Variants in LGR6 observed in about 807,000 individuals in gnomAD.
LGR6 encodes the protein leucine-rich repeat-containing G protein-coupled receptor 6.
In LGR6, 45 loss-of-function variants were observed where a neutral mutation model predicts 69.4. The ratio of observed to expected loss-of-function variants is 0.65; its 90% CI spans 0.51 to 0.83. The LOEUF is 0.83. Ranked by LOEUF, LGR6 falls within the 40% of genes least tolerant of loss-of-function variation. The pLI is 0.00. For synonymous variants in LGR6, 538 were observed against 555.0 expected, an observed-to-expected ratio of 0.97 and a Z score of 0.43; for missense variants, 1,108 against 1,246.7, an observed-to-expected ratio of 0.89 and a Z score of 1.68.
intron 4 of LGR6, among the ~76,000 whole-genome samples, chr1:202,261,948 A>G (rs1282206676): frequency 6.6e-6 from 1 of 151,882 alleles, no homozygotes; most frequent in Non-Finnish European, 1.5e-5. Flanking sequence ...TTTTTCTTGT[A>G]AATTTGTTTG....
intron 4 of LGR6, among the ~76,000 whole-genome samples, chr1:202,258,252 C>T (rs1305886191): frequency 6.6e-6 from 1 of 151,382 alleles, no homozygotes; most frequent in African/African-American, 2.4e-5. Flanking sequence ...AGGAGCAGTC[C>T]CTGTTCATTT....
At chr1:202,235,833 G>T in intron 3 of LGR6, 89 bp from the exon 4 acceptor site, 2 of 1,093,908 alleles carry the variant, frequency 1.8e-6, no homozygotes, top group Non-Finnish European at 1.4e-6. Context: ...GGTCTGGCTT[G>T]GGACTGGGGG....
chr1:202,310,123 T>C, intron 15 of LGR6, 74 bp from the exon 16 acceptor site: 1 of 1,496,170 alleles, frequency 6.7e-7, no homozygotes, highest in South Asian at 1.2e-5. Context: ...GGGTTGCAGA[T>C]CTCTTAAATC....
intron 7 of LGR6, among the ~76,000 whole-genome samples, chr1:202,297,893 T>A (rs1415796842): frequency 6.6e-6 from 1 of 152,204 alleles, no homozygotes; most frequent in Non-Finnish European, 1.5e-5. Context: ...CTTGCCTTGG[T>A]TGGGATGTGT....
At chr1:202,236,646 G>A (rs1661586586) in intron 4 of LGR6, among the ~76,000 whole-genome samples, 1 of 152,220 alleles carries the variant, frequency 6.6e-6, no homozygotes, top group Non-Finnish European at 1.5e-5. Flanking sequence ...ATAATGCACA[G>A]CCCAAGGCCT....
chr1:202,316,427 T>A (rs1654148820), intron 17 of LGR6, among the ~76,000 whole-genome samples: 1 of 152,228 alleles, frequency 6.6e-6, no homozygotes, highest in African/African-American at 2.4e-5. Flanking sequence ...AGGACATTAA[T>A]CTGTTCCTGA....
chr1:202,289,931 T>C (rs894223762), intron 6 of LGR6, among the ~76,000 whole-genome samples: 1 of 152,236 alleles, frequency 6.6e-6, no homozygotes, highest in Non-Finnish European at 1.5e-5. Flanking sequence ...TTATCTGTGA[T>C]CCAGTAATAA....
chr1:202,288,699 A>G (rs1441016791), intron 6 of LGR6, among the ~76,000 whole-genome samples: 1 of 152,292 alleles, frequency 6.6e-6, no homozygotes, highest in South Asian at 2.1e-4. Context: ...CAGGTGTCCC[A>G]TGCTGTCTTG....
chr1:202,282,833 C>T lies in LGR6; in HGVS notation c.716+1981C>T, dbSNP rs184268272. Among the ~76,000 whole-genome samples, 19 of 152,346 alleles carry T rather than the reference C, an allele frequency of 1.2e-4. No homozygotes were observed. The East Asian group carries it at 2.7e-3, about 22-fold the overall frequency. ...TGGCTGAATTACAGAGCAATCCTGC[C>T]GCTAAGCGCCCACTGTACCTTTCAT... On this transcript the variant is annotated intron_variant, in intron 6 of 17. Coordinates refer to ENST00000367278, the MANE Select transcript of LGR6 (RefSeq NM_001017403.2).
chr1:202,236,221 G>C, intron 4 of LGR6: 2 of 556,118 alleles, frequency 3.6e-6, no homozygotes, highest in Admixed American at 6.3e-5. Context: ...GTGCTCCCAC[G>C]CCCCACTGGG....
Position 202,268,281 on chromosome 1 carries a change from G to A in LGR6, c.429-8025G>A, listed in dbSNP as rs1286042354. Among the ~76,000 whole-genome samples, 4 of 152,258 alleles carry A rather than the reference G, an allele frequency of 2.6e-5. No individual in the cohort carries two copies. Among genetic ancestry groups the A allele is most frequent in the East Asian group, 3.9e-4 (2 of 5,160 alleles). ...CTGGTGTGGGAGGCTGGGCCCTGCC[G>A]CCTATGGAAGGCCCAAGGGCATCTC... On this transcript the variant is annotated intron_variant, in intron 4 of 17. Transcript: ENST00000367278. This position sits in a 1 kb window ranked among gnomAD's most constrained non-coding sequence, Gnocchi z 4.4.
chr1:202,204,600 AC>A (rs1659006681), intron 1 of LGR6, among the ~76,000 whole-genome samples: 1 of 135,876 alleles, frequency 7.4e-6, no homozygotes, highest in African/African-American at 3.1e-5. Flanking sequence ...TCAAACACAC[AC>A]ACCTCCAAAC....
chr1:202,284,848 G>A (rs1666280553), intron 6 of LGR6, among the ~76,000 whole-genome samples: 1 of 152,170 alleles, frequency 6.6e-6, no homozygotes, highest in East Asian at 1.9e-4. Flanking sequence ...GATGGACCCC[G>A]GGGACAATAG....
chr1:202,253,121 C>A (rs576321350), intron 4 of LGR6, among the ~76,000 whole-genome samples: 1 of 152,292 alleles, frequency 6.6e-6, no homozygotes, highest in African/African-American at 2.4e-5. Context: ...CTGTGAAAAC[C>A]AGCTCTGCCA....
At chr1:202,252,986 T>G (rs1663397329) in intron 4 of LGR6, among the ~76,000 whole-genome samples, 1 of 152,208 alleles carries the variant, frequency 6.6e-6, no homozygotes, top group Admixed American at 6.5e-5. Context: ...CAGGAAGACA[T>G]TCTGACACTC....
Position 202,318,623 on chromosome 1 carries a change from C to T in LGR6, c.2320C>T (p.His774Tyr), listed in dbSNP as rs774413388. 1.5e-5 allele frequency: 24 copies of T among 1,613,860 alleles called. No homozygotes were observed. In the African/African-American group the frequency reaches 3.1e-4, roughly 21 times the overall value. Residue 774 changes from histidine to tyrosine, a missense_variant, in exon 18 of 18, where the codon CAC (histidine) becomes TAC (tyrosine). Coordinates refer to ENST00000367278, the MANE Select transcript of LGR6 (RefSeq NM_001017403.2). ...EAVWDCAMVR[H>Y]VAWLIFADGL... Reference sequence around the variant, plus strand: ...CGTGTGGGACTGCGCCATGGTGAGGCACGTGGCCTGGCTCATCTTCGCAGA... The same window carrying T: ...CGTGTGGGACTGCGCCATGGTGAGGTACGTGGCCTGGCTCATCTTCGCAGA...
chr1:202,245,795 T>A (rs1292863983), intron 4 of LGR6, among the ~76,000 whole-genome samples: 3 of 152,064 alleles, frequency 2.0e-5, no homozygotes, highest in Non-Finnish European at 4.4e-5. Context: ...CTCCTTCCTC[T>A]TGTATTATTG....
In LGR6 at chr1:202,314,100, AG is replaced by A. The variant is rs774746883; in HGVS notation, c.1568-700del. On this transcript the variant is annotated intron_variant, in intron 16 of 17. Transcript: ENST00000367278. ...CTAATTGTGGGAACTTACTCTTGTT[AG>A]GAAGTAGTAGAGTGTCTCCATTCGA... 3.9e-5 allele frequency among the ~76,000 whole-genome samples: 6 copies of A among 152,184 alleles called. 1 individual carries two copies. The highest frequency in any genetic ancestry group is 8.8e-5 in the Non-Finnish European group (6 of 68,030).
chr1:202,301,264 C>T (rs1667573224), intron 9 of LGR6, 29 bp downstream of exon 9: 2 of 1,576,846 alleles, frequency 1.3e-6, no homozygotes, highest in Non-Finnish European at 1.7e-6. Context: ...GCTGCTGCAG[C>T]CTGAACTTCC....
Sources: gnomAD v4.1 joint callset for allele counts (sites outside exome capture counted in the v4.1 genomes callset) on GRCh38, gnomAD v4.1.1 for gene constraint, Gnocchi (gnomAD v3.1) non-coding constraint, MANE v1.5 for transcripts, NCBI Gene and HGNC (gene_info 2026-07-23, HGNC 2026-07-21) for gene names.